Variants in NAALADL2 observed in about 807,000 individuals in gnomAD.
The protein encoded by NAALADL2 is N-acetylated alpha-linked acidic dipeptidase like 2.
In NAALADL2, 76 loss-of-function variants were observed where a neutral mutation model predicts 87.2. The observed-to-expected ratio is 0.87, with a 90% CI of 0.72 to 1.05. The LOEUF is 1.05. NAALADL2 is among the 50% of genes least tolerant of loss of function. NAALADL2 has a pLI of 0.00. For missense variants in NAALADL2, 1,089 were observed against 945.8 expected (o/e 1.15, Z -1.99); for synonymous variants, 354 against 331.0 (o/e 1.07, Z -0.75).
intron 1 of NAALADL2, among the ~76,000 whole-genome samples, chr3:174,930,613 A>ATTTT (rs1188907600): frequency 3.0e-5 from 3 of 99,774 alleles, no homozygotes; most frequent in African/African-American, 4.4e-5. Flanking sequence ...AATAAGATGA[A>ATTTT]CTTTTTTTTT....
intron 5 of NAALADL2, among the ~76,000 whole-genome samples, chr3:175,414,588 A>T (rs1005242536): frequency 6.6e-6 from 1 of 152,186 alleles, no homozygotes; most frequent in Non-Finnish European, 1.5e-5. Context: ...TCTCCTTATT[A>T]TTATATGCTA....
intron 10 of NAALADL2, among the ~76,000 whole-genome samples, chr3:175,600,189 T>C (rs1036485731): frequency 1.3e-5 from 2 of 151,918 alleles, no homozygotes; most frequent in South Asian, 4.1e-4. Context: ...AGTATATATA[T>C]CTAACATATA....
At chr3:175,551,240 T>C (rs1714302238) in intron 9 of NAALADL2, among the ~76,000 whole-genome samples, 1 of 152,156 alleles carries the variant, frequency 6.6e-6, no homozygotes, top group Non-Finnish European at 1.5e-5. Flanking sequence ...ATCCTTCATC[T>C]GAGGATGAGA....
chr3:174,670,271 A>T (rs1362767500), intron 2 of NAALADL2, among the ~76,000 whole-genome samples: 1 of 151,738 alleles, frequency 6.6e-6, no homozygotes, highest in Non-Finnish European at 1.5e-5. Context: ...TTATGGTATT[A>T]TTCTGAATAG....
intron 5 of NAALADL2, among the ~76,000 whole-genome samples, chr3:175,434,427 T>C (rs1718284539): frequency 6.6e-6 from 1 of 151,992 alleles, no homozygotes; most frequent in Admixed American, 6.6e-5. Context: ...ACTGCAAAGA[T>C]CTGAGAAGTA....
intron 1 of NAALADL2, among the ~76,000 whole-genome samples, chr3:174,985,658 C>T (rs1745755230): frequency 6.6e-6 from 1 of 152,040 alleles, no homozygotes. Context: ...TTTCTGAGTT[C>T]TTAAAAAGGG....
chr3:175,558,710 C>A (rs184131210), intron 9 of NAALADL2, among the ~76,000 whole-genome samples: 1 of 152,064 alleles, frequency 6.6e-6, no homozygotes, highest in South Asian at 2.1e-4. Flanking sequence ...TCCTTGACAA[C>A]GTTGTTGAAA....
chr3:175,095,953 G>T (rs1382602284), intron 1 of NAALADL2, among the ~76,000 whole-genome samples: 4 of 152,044 alleles, frequency 2.6e-5, no homozygotes, highest in Non-Finnish European at 5.9e-5. Flanking sequence ...CACTTGGCAG[G>T]ATACAACAAG....
chr3:175,250,995 C>T (rs1486902816), intron 3 of NAALADL2, among the ~76,000 whole-genome samples: 1 of 152,072 alleles, frequency 6.6e-6, no homozygotes, highest in African/African-American at 2.4e-5. Context: ...AAGAGGGCAA[C>T]CTATCTGATT....
intron 2 of NAALADL2, among the ~76,000 whole-genome samples, chr3:174,676,144 G>A (rs184718948): frequency 1.3e-5 from 2 of 152,072 alleles, no homozygotes; most frequent in South Asian, 2.1e-4. Context: ...GTCATTGAAG[G>A]TTTATTCTTG....
intron 1 of NAALADL2, among the ~76,000 whole-genome samples, chr3:174,483,218 G>A (rs1355917142): frequency 1.3e-5 from 2 of 151,932 alleles, no homozygotes; most frequent in African/African-American, 2.4e-5. Context: ...TACCCAACAC[G>A]GGGTAACTTA....
chr3:175,013,099 T>TATTTA, intron 1 of NAALADL2, among the ~76,000 whole-genome samples: 1 of 21,504 alleles, frequency 4.7e-5, no homozygotes, highest in South Asian at 1.4e-3. Context: ...TATATATAAA[T>TATTTA]ATACATATTT....
chr3:175,054,784 GA>G (rs1269818351), intron 1 of NAALADL2, among the ~76,000 whole-genome samples: 1 of 152,106 alleles, frequency 6.6e-6, no homozygotes, highest in Non-Finnish European at 1.5e-5. Flanking sequence ...CCCTAACAGG[GA>G]CATACCCCAT....
At chr3:174,697,817 C>T (rs960364386) in intron 2 of NAALADL2, among the ~76,000 whole-genome samples, 1 of 152,090 alleles carries the variant, frequency 6.6e-6, no homozygotes, top group African/African-American at 2.4e-5. Context: ...AATGGCTGGA[C>T]GCGGTGGCTC....
chr3:174,689,302 C>A (rs989572037), intron 2 of NAALADL2, among the ~76,000 whole-genome samples: 2 of 151,826 alleles, frequency 1.3e-5, no homozygotes, highest in Admixed American at 6.6e-5. Flanking sequence ...TCTATCATCT[C>A]TGTTAATTGA....
chr3:174,646,145 A>C (rs1723759195), intron 2 of NAALADL2, among the ~76,000 whole-genome samples: 3 of 152,176 alleles, frequency 2.0e-5, no homozygotes, highest in Admixed American at 6.5e-5. Context: ...TACACATCAA[A>C]TAAAACACTA....
chr3:174,833,839 G>T (rs61579730), intron 3 of NAALADL2, among the ~76,000 whole-genome samples: 2,008 of 150,278 alleles, frequency 0.013, 6 homozygotes, highest in African/African-American at 0.047. Context: ...AAAGAGATTT[G>T]CCAAAATTTA....
At chr3:175,095,702 C>G (rs765659162) in intron 1 of NAALADL2, among the ~76,000 whole-genome samples, 1 of 152,000 alleles carries the variant, frequency 6.6e-6, no homozygotes, top group East Asian at 1.9e-4. Flanking sequence ...TTGTCTACCA[C>G]GATTCCTAAG....
At chr3:175,588,396 A>AAAAT (rs1483103589) in intron 10 of NAALADL2, among the ~76,000 whole-genome samples, 1 of 151,362 alleles carries the variant, frequency 6.6e-6, no homozygotes, top group Non-Finnish European at 1.5e-5. Context: ...AATAGATTTC[A>AAAAT]AAATATAATA....
Sources: gnomAD v4.1 joint callset for allele counts (sites outside exome capture counted in the v4.1 genomes callset) on GRCh38, gnomAD v4.1.1 for gene constraint, MANE v1.5 for transcripts, NCBI Gene and HGNC (gene_info 2026-07-23, HGNC 2026-07-21) for gene names.